The following GRID1 variants were observed in gnomAD, a reference collection of about 807,000 sequenced individuals.
GRID1 encodes glutamate receptor ionotropic, delta-1.
GRID1 carries 28 observed loss-of-function variants against 98.0 expected under a neutral mutation model. That is an observed-to-expected ratio of 0.29 (90% CI 0.21 to 0.39). The LOEUF is 0.39. GRID1 is among the 10% of genes least tolerant of loss of function. The probability of loss-of-function intolerance (pLI) is 1.00; values close to 1 mark genes in which losing one functional copy is unlikely to be tolerated. For missense variants in GRID1, 1,111 were observed against 1,340.5 expected (o/e 0.83, Z 2.67); for synonymous variants, 553 against 538.5 (o/e 1.03, Z -0.37).
chr10:85,710,523 G>T (rs1179142589), intron 12 of GRID1, among the ~76,000 whole-genome samples: 1 of 152,036 alleles, frequency 6.6e-6, no homozygotes, highest in Non-Finnish European at 1.5e-5. Context: ...ACTCCCAGAA[G>T]AAAACATAGA....
chr10:85,743,099 T>A (rs1363610020), intron 8 of GRID1, among the ~76,000 whole-genome samples: 1 of 114,462 alleles, frequency 8.7e-6, no homozygotes, highest in Non-Finnish European at 1.8e-5. Flanking sequence ...AGGATAGAAT[T>A]ATGCAGCCCC....
intron 4 of GRID1, among the ~76,000 whole-genome samples, chr10:86,000,752 C>T (rs1173546867): frequency 6.6e-6 from 1 of 152,194 alleles, no homozygotes; most frequent in African/African-American, 2.4e-5. Flanking sequence ...TTAAGCCTCA[C>T]ACCTTTCCCA....
chr10:86,164,649 A>G (rs1845372124), intron 3 of GRID1, among the ~76,000 whole-genome samples: 1 of 152,196 alleles, frequency 6.6e-6, no homozygotes, highest in Non-Finnish European at 1.5e-5. Flanking sequence ...TTCCCAAGAA[A>G]ATGAGTTTAA....
intron 12 of GRID1, among the ~76,000 whole-genome samples, chr10:85,703,059 G>A (rs1026588514): frequency 2.0e-5 from 3 of 152,064 alleles, no homozygotes; most frequent in African/African-American, 7.2e-5. Flanking sequence ...TAAAAGAGGA[G>A]AGGAAAATCA....
intron 8 of GRID1, among the ~76,000 whole-genome samples, chr10:85,811,188 G>A (rs1318716366): frequency 1.3e-5 from 2 of 152,094 alleles, no homozygotes; most frequent in Admixed American, 6.5e-5. Context: ...AAGAACCAAA[G>A]TCAGTACATC....
intron 4 of GRID1, among the ~76,000 whole-genome samples, chr10:86,029,789 C>A (rs1440559980): frequency 1.3e-5 from 2 of 151,892 alleles, no homozygotes; most frequent in African/African-American, 2.4e-5. Context: ...AATTAACCTG[C>A]AAATTCTGCC....
chr10:86,108,394 C>T (rs149876477), intron 4 of GRID1, among the ~76,000 whole-genome samples: 49 of 152,308 alleles, frequency 3.2e-4, no homozygotes, highest in Non-Finnish European at 5.9e-4. Flanking sequence ...AAGTGGTAAG[C>T]CTCAAAAGGT....
At chr10:85,794,790 G>A (rs899025643) in intron 8 of GRID1, among the ~76,000 whole-genome samples, 4 of 152,280 alleles carry the variant, frequency 2.6e-5, no homozygotes, top group Admixed American at 2.6e-4. Context: ...TTTGCCTCCT[G>A]TAATCATAAG....
At chr10:86,143,573 T>C (rs1845040564) in intron 3 of GRID1, among the ~76,000 whole-genome samples, 1 of 152,146 alleles carries the variant, frequency 6.6e-6, no homozygotes, top group Non-Finnish European at 1.5e-5. Flanking sequence ...AAGCTCCCTG[T>C]ACACACTGGC....
At chr10:85,717,410 T>C (rs1453232827) in intron 12 of GRID1, among the ~76,000 whole-genome samples, 2 of 151,912 alleles carry the variant, frequency 1.3e-5, no homozygotes, top group Admixed American at 6.6e-5. Flanking sequence ...TCTTCTTACA[T>C]GGCGTAGGCA....
chr10:85,604,399 C>T (rs1444043148), intron 15 of GRID1, among the ~76,000 whole-genome samples: 1 of 152,152 alleles, frequency 6.6e-6, no homozygotes, highest in Non-Finnish European at 1.5e-5. Context: ...TGGGATGTGG[C>T]TCGCTGTCAT....
At chr10:86,198,261 T>A (rs1018759377) in intron 3 of GRID1, among the ~76,000 whole-genome samples, 2 of 152,100 alleles carry the variant, frequency 1.3e-5, no homozygotes. Context: ...CAAGGAGACC[T>A]TGGGGAAGCC....
At chr10:86,292,935 G>A (rs1847537147) in intron 2 of GRID1, among the ~76,000 whole-genome samples, 1 of 152,084 alleles carries the variant, frequency 6.6e-6, no homozygotes, top group Admixed American at 6.6e-5. Flanking sequence ...GAGATGGATG[G>A]GGGCAGATGG....
In GRID1 at chr10:85,602,372, C is replaced by A. The variant is rs140388716; in HGVS notation, c.2931G>T (p.Arg977=). ...GGATGGGGGTCTTCACCGGGCTCTGCCGGAACAGCCCCCCGTTGGGTGACC... is the reference window on the plus strand; with the variant it reads ...GGATGGGGGTCTTCACCGGGCTCTGACGGAACAGCCCCCCGTTGGGTGACC... ...KHRSPNGGLF[R]QSPVKTPIPM... The change falls in exon 16 of 16, where the codon CGG becomes CGT. Residue 977 remains arginine, a synonymous_variant. Transcript: ENST00000327946. 3.7e-6 allele frequency: 6 copies of A among 1,604,770 alleles called. No homozygotes were observed. Among genetic ancestry groups the A allele is most frequent in the Non-Finnish European group, 5.1e-6 (6 of 1,173,370 alleles).
chr10:86,173,379 T>C (rs2131994914), intron 3 of GRID1, among the ~76,000 whole-genome samples: 1 of 152,300 alleles, frequency 6.6e-6, no homozygotes, highest in South Asian at 2.1e-4. Context: ...TAAGCATACC[T>C]ACAAAAAGTA....
intron 2 of GRID1, among the ~76,000 whole-genome samples, chr10:86,315,673 C>A (rs1433799732): frequency 1.3e-5 from 2 of 152,076 alleles, no homozygotes; most frequent in African/African-American, 4.8e-5. Context: ...ATCCATCCAT[C>A]CTCCCACCCA....
chr10:85,854,831 A>C (rs1843093823), intron 7 of GRID1, among the ~76,000 whole-genome samples: 1 of 152,220 alleles, frequency 6.6e-6, no homozygotes, highest in Non-Finnish European at 1.5e-5. Context: ...GAAATCCCTA[A>C]GGCTTGCACC....
intron 4 of GRID1, among the ~76,000 whole-genome samples, chr10:86,103,521 C>G (rs1253282038): frequency 6.6e-6 from 1 of 152,230 alleles, no homozygotes; most frequent in Non-Finnish European, 1.5e-5. Context: ...CTCCCCCAAG[C>G]AAGCGTCAGC....
chr10:86,125,518 TAG>T (rs1420827181), intron 4 of GRID1, among the ~76,000 whole-genome samples: 1 of 152,222 alleles, frequency 6.6e-6, no homozygotes, highest in African/African-American at 2.4e-5. Context: ...AGTTCACATT[TAG>T]AGTAGAATTT....
Sources: gnomAD v4.1 joint callset for allele counts (sites outside exome capture counted in the v4.1 genomes callset) on GRCh38, gnomAD v4.1.1 for gene constraint, MANE v1.5 for transcripts, NCBI Gene and HGNC (gene_info 2026-07-23, HGNC 2026-07-21) for gene names.